The following RBFOX1 variants were observed in gnomAD, a reference collection of about 807,000 sequenced individuals.
RBFOX1 encodes the protein RNA binding fox-1 homolog 1.
In RBFOX1, 8 loss-of-function variants were observed where a neutral mutation model predicts 57.7. The ratio of observed to expected loss-of-function variants is 0.14; its 90% CI spans 0.08 to 0.25. RBFOX1 has a LOEUF of 0.25. RBFOX1 is among the 10% of genes least tolerant of loss of function. The pLI is 1.00. For missense variants in RBFOX1, 611 were observed against 548.5 expected (o/e 1.11, Z -1.14); for synonymous variants, 326 against 222.4 (o/e 1.47, Z -4.15).
intron 4 of RBFOX1, among the ~76,000 whole-genome samples, chr16:7,324,529 C>G (rs190050942): frequency 2.0e-4 from 31 of 152,342 alleles, no homozygotes; most frequent in Non-Finnish European, 3.8e-4. Context: ...CATCCCCAGA[C>G]AGGTCAGAGG....
chr16:7,363,753 C>G (rs775018057), intron 4 of RBFOX1, among the ~76,000 whole-genome samples: 37 of 152,050 alleles, frequency 2.4e-4, no homozygotes, highest in Admixed American at 2.1e-3. Flanking sequence ...TTTAATGATT[C>G]TTCTATAGAC....
chr16:5,765,755 G>A (rs1182989597), intron 3 of RBFOX1, among the ~76,000 whole-genome samples: 2 of 152,230 alleles, frequency 1.3e-5, no homozygotes, highest in East Asian at 1.9e-4. Flanking sequence ...TGGGGTTTGA[G>A]TTTACAGCCT....
chr16:6,294,414 T>C (rs2152728433), intron 1 of RBFOX1, among the ~76,000 whole-genome samples: 1 of 152,358 alleles, frequency 6.6e-6, no homozygotes, highest in Middle Eastern at 3.4e-3. Context: ...TTGCGTAAAT[T>C]GTTTTAAGCA....
chr16:5,744,039 T>C (rs2052879682), intron 3 of RBFOX1, among the ~76,000 whole-genome samples: 2 of 152,170 alleles, frequency 1.3e-5, no homozygotes, highest in African/African-American at 4.8e-5. Flanking sequence ...AGCTCCTTCT[T>C]CATCATGTCA....
chr16:6,932,468 T>A (rs1296240020), intron 3 of RBFOX1, among the ~76,000 whole-genome samples: 2 of 152,162 alleles, frequency 1.3e-5, no homozygotes, highest in Non-Finnish European at 2.9e-5. Flanking sequence ...CATTTCAACC[T>A]TGGAGGAAAC....
At chr16:6,605,544 A>G (rs754252146) in intron 2 of RBFOX1, among the ~76,000 whole-genome samples, 1 of 152,174 alleles carries the variant, frequency 6.6e-6, no homozygotes, top group Non-Finnish European at 1.5e-5. Context: ...CGTCCAGTGC[A>G]TTTGTCATCG....
chr16:6,799,216 C>T (rs913419667), intron 3 of RBFOX1, among the ~76,000 whole-genome samples: 8 of 152,068 alleles, frequency 5.3e-5, no homozygotes, highest in Non-Finnish European at 7.3e-5. Context: ...CTAGGGGAAA[C>T]CGTGCACAGC....
intron 4 of RBFOX1, among the ~76,000 whole-genome samples, chr16:6,009,861 C>T (rs917645594): frequency 4.1e-5 from 5 of 121,824 alleles, no homozygotes; most frequent in African/African-American, 1.6e-4. Context: ...AATTCAGATT[C>T]CCATTCTCAT....
At chr16:6,133,558 A>C (rs1463034415) in intron 1 of RBFOX1, among the ~76,000 whole-genome samples, 2 of 152,112 alleles carry the variant, frequency 1.3e-5, no homozygotes, top group Admixed American at 1.3e-4. Flanking sequence ...CCTCCCCATT[A>C]GTTCTTTCAC....
intron 1 of RBFOX1, among the ~76,000 whole-genome samples, chr16:6,133,832 T>C (rs891610160): frequency 4.6e-5 from 7 of 151,746 alleles, no homozygotes; most frequent in African/African-American, 1.5e-4. Flanking sequence ...CAAGCAATAG[T>C]ACACACACAC....
chr16:5,664,149 C>T (rs2049754180), intron 3 of RBFOX1, among the ~76,000 whole-genome samples: 1 of 152,224 alleles, frequency 6.6e-6, no homozygotes, highest in African/African-American at 2.4e-5. Context: ...TGTGTTGTTT[C>T]TTCGATTGGC....
At chr16:5,242,972 G>A (rs544155004) in intron 1 of RBFOX1, among the ~76,000 whole-genome samples, 27 of 148,572 alleles carry the variant, frequency 1.8e-4, no homozygotes, top group African/African-American at 6.8e-4. Context: ...ATGTGATTAT[G>A]GTGGGGACGT....
intron 4 of RBFOX1, among the ~76,000 whole-genome samples, chr16:7,179,436 T>G (rs917843711): frequency 1.3e-5 from 2 of 152,168 alleles, no homozygotes; most frequent in Admixed American, 6.5e-5. Flanking sequence ...ATCTCCACAA[T>G]TTGTCTGGCC....
At chr16:7,422,427 C>T (rs1261561278) in intron 4 of RBFOX1, among the ~76,000 whole-genome samples, 1 of 152,158 alleles carries the variant, frequency 6.6e-6, no homozygotes, top group East Asian at 1.9e-4. Context: ...ACATTACCTG[C>T]ATTATTTCGG....
chr16:6,805,131 G>A (rs1473539098), intron 3 of RBFOX1, among the ~76,000 whole-genome samples: 2 of 152,034 alleles, frequency 1.3e-5, no homozygotes, highest in Non-Finnish European at 1.5e-5. Flanking sequence ...GCAAAGATAT[G>A]GAATCAACCT....
intron 1 of RBFOX1, among the ~76,000 whole-genome samples, chr16:6,222,684 TTTATTATTATTATTA>T (rs57108959): frequency 1.8e-4 from 25 of 141,320 alleles, no homozygotes; most frequent in African/African-American, 6.0e-4. Context: ...TTTCTTTTCT[TTTATTATTATTATTA>T]TTATTATTAT....
At chr16:7,453,036 G>T (rs1042881538) in intron 4 of RBFOX1, among the ~76,000 whole-genome samples, 3 of 151,726 alleles carry the variant, frequency 2.0e-5, no homozygotes, top group African/African-American at 7.3e-5. Context: ...GGCTGAGGCA[G>T]GAGAATCTCT....
intron 1 of RBFOX1, among the ~76,000 whole-genome samples, chr16:6,211,099 T>G (rs1047503648): frequency 1.4e-5 from 2 of 140,192 alleles, no homozygotes; most frequent in African/African-American, 5.0e-5. Flanking sequence ...CTTAGACCCT[T>G]ACTCCAGGGG....
chr16:7,680,933 G>A (rs2074571563), intron 14 of RBFOX1, among the ~76,000 whole-genome samples: 1 of 152,088 alleles, frequency 6.6e-6, no homozygotes, highest in African/African-American at 2.4e-5. Context: ...TGTGCCTTGG[G>A]GCCTCACAAG....
Sources: allele counts gnomAD v4.1 joint callset (sites outside exome capture counted in the v4.1 genomes callset), GRCh38; gene constraint gnomAD v4.1.1; transcripts MANE v1.5; gene names NCBI Gene and HGNC (gene_info 2026-07-23, HGNC 2026-07-21).